Variants in ACACA observed in about 807,000 individuals in gnomAD.
The protein encoded by ACACA is acetyl-CoA carboxylase alpha.
Under a neutral mutation model 296.1 loss-of-function variants are expected in ACACA, and 103 were observed. The observed-to-expected ratio is 0.35, with a 90% CI of 0.30 to 0.41. The LOEUF (loss-of-function observed/expected upper bound fraction) is 0.41. ACACA is among the 10% of genes least tolerant of loss of function. The pLI is 1.00. For synonymous variants in ACACA, 953 were observed against 1,038.6 expected (o/e 0.92, Z 1.58); for missense variants, 1,554 against 2,989.7 (o/e 0.52, Z 11.20).
chr17:37,189,854 T>C (rs1377831336), intron 38 of ACACA, among the ~76,000 whole-genome samples: 1 of 151,988 alleles, frequency 6.6e-6, no homozygotes, highest in Non-Finnish European at 1.5e-5. Context: ...AGAAAACTAC[T>C]TCTCAGATCT....
At chr17:37,360,144 C>A (rs189872204) in intron 1 of ACACA, 2 of 152,212 alleles carry the variant, frequency 1.3e-5, no homozygotes, top group East Asian at 3.9e-4. Flanking sequence ...GGGGTCCCAA[C>A]ACAATACAAA....
At chr17:37,339,631 T>C (rs990768949) in intron 2 of ACACA, among the ~76,000 whole-genome samples, 173 bp downstream of exon 2, 1 of 152,224 alleles carries the variant, frequency 6.6e-6, no homozygotes, top group African/African-American at 2.4e-5. Flanking sequence ...AAAGAGAGAA[T>C]ACAGTTGAGT....
At chr17:37,271,240 G>A (rs1019710385) in intron 9 of ACACA, among the ~76,000 whole-genome samples, 7 of 152,214 alleles carry the variant, frequency 4.6e-5, no homozygotes, top group Non-Finnish European at 1.0e-4. Flanking sequence ...ATGGGTCCGG[G>A]CACAGTGGCT....
intron 1 of ACACA, among the ~76,000 whole-genome samples, chr17:37,352,214 G>A (rs1480875023): frequency 6.6e-6 from 1 of 152,012 alleles, no homozygotes; most frequent in African/African-American, 2.4e-5. Context: ...CACCGTTCCT[G>A]GCCAGGCTTC....
In ACACA at chr17:37,174,002, ATATATATATATATATATATT is replaced by A. The variant is rs1367045246; in HGVS notation, c.5079+5238_5079+5257del. 8.6e-3 allele frequency among the ~76,000 whole-genome samples: 91 copies of A among 10,598 alleles called. 5 individuals are homozygous for A. The East Asian group carries it at 0.14, about 16-fold the overall frequency. The allele number at this position is 10,598 out of a possible 152,430, so 7.0% of individuals were successfully genotyped here. A position where few individuals can be genotyped will look rare whatever the true frequency, so the allele number is the denominator to read the frequency against. On this transcript the variant is annotated intron_variant, in intron 41 of 55. Coordinates refer to ENST00000616317, the MANE Select transcript of ACACA (RefSeq NM_198834.3). Reference sequence around the variant, plus strand: ...CTAATTTATATATATATATATATATATATATATATATATATATATTTTTTTTTTTTTTTTTTTTTGTAGCG... The same window carrying A: ...CTAATTTATATATATATATATATATATTTTTTTTTTTTTTTTTTTGTAGCG...
Position 37,230,998 on chromosome 17 carries a change from T to A in ACACA, c.3246+3977A>T, listed in dbSNP as rs143782253. On this transcript the variant is annotated intron_variant, in intron 25 of 55. Transcript: ENST00000616317. ...CTGGTACAAAACAGTTATTTCTTGC[T>A]TTTACTTTTGACCTAGATGGTAGCT... 4.0e-4 allele frequency among the ~76,000 whole-genome samples: 61 copies of A among 152,330 alleles called. 1 individual carries two copies. The highest frequency in any genetic ancestry group is 1.4e-3 in the African/African-American group (59 of 41,576).
At chr17:37,243,952 G>A (rs868831574) in intron 21 of ACACA, among the ~76,000 whole-genome samples, 22 of 152,150 alleles carry the variant, frequency 1.4e-4, no homozygotes, top group Admixed American at 4.6e-4. Context: ...GGCCTCAAGC[G>A]ATCTTTCCAT....
chr17:37,396,569 A>T (rs2051088871), intron 1 of ACACA, among the ~76,000 whole-genome samples: 1 of 151,876 alleles, frequency 6.6e-6, no homozygotes, highest in South Asian at 2.1e-4. Context: ...TTATTTCCTC[A>T]TATCTCCTAC....
chr17:37,406,190 C>T (rs2051498589), intron 1 of ACACA, 72 bp downstream of exon 1: 2 of 1,546,184 alleles, frequency 1.3e-6, no homozygotes, highest in Admixed American at 3.3e-5. Context: ...GTCTGGCATG[C>T]AATAAGTACT....
intron 45 of ACACA, among the ~76,000 whole-genome samples, chr17:37,134,491 A>C (rs549910967): frequency 3.3e-5 from 5 of 152,198 alleles, no homozygotes; most frequent in Non-Finnish European, 1.5e-5. Context: ...TTTTTTAAAA[A>C]TTGCCTTTGT....
rs1243535532 is a variant in ACACA at position 37,390,140 on chromosome 17, GTATATATATATATATATATATA to G, written c.38+16100_38+16121del. ...GACACTGTCTCTATTAAAAAAAAAAGTATATATATATATATATATATATATATATATATATACACACACACAT... is the reference window on the plus strand; with the variant it reads ...GACACTGTCTCTATTAAAAAAAAAAGTATATATATATATACACACACACAT... On this transcript the variant is annotated intron_variant, in intron 1 of 55. Coordinates refer to ENST00000616317, the MANE Select transcript of ACACA (RefSeq NM_198834.3). 4.0e-4 allele frequency among the ~76,000 whole-genome samples: 14 copies of G among 34,634 alleles called. 1 individual carries two copies. The highest frequency in any genetic ancestry group is 1.7e-3 in the African/African-American group (12 of 6,868). The allele number at this position is 34,634 out of a possible 152,430, so 22.7% of individuals were successfully genotyped here.
At position 37,181,434 on chromosome 17, in the gene ACACA, A is replaced by C. The variant is rs1174766465; in HGVS notation, c.4777-78T>G. On this transcript the variant is annotated intron_variant, in intron 39 of 55. Coordinates refer to ENST00000616317, the MANE Select transcript of ACACA (RefSeq NM_198834.3). ...AGCTGCCTAGAGGGGCTTTTTTTGC[A>C]CAAATATTATCTCTTTGAAAACATT... The C allele has an allele frequency of 9.3e-6, 14 of 1,500,150 alleles. No individual in the cohort carries two copies. The Admixed American group carries it at 2.4e-4, about 25-fold the overall frequency. 92.9% of individuals were successfully genotyped at this position (1,500,150 alleles called of 1,614,324 possible).
intron 3 of ACACA, among the ~76,000 whole-genome samples, chr17:37,310,732 T>C (rs1318031097): frequency 1.4e-5 from 2 of 138,552 alleles, no homozygotes; most frequent in Non-Finnish European, 1.5e-5. Context: ...AGGCAGAGGT[T>C]GCAGAGAGCC....
At chr17:37,241,810 G>A (rs527417492) in intron 23 of ACACA, 143 bp downstream of exon 23, 1 of 686,956 alleles carries the variant, frequency 1.5e-6, no homozygotes, top group East Asian at 2.7e-5. Context: ...AAGATATTTA[G>A]AAAAGACAAG....
At position 37,223,551 on chromosome 17, in the gene ACACA, G is replaced by C; in HGVS notation, c.3525C>G (p.Phe1175Leu). ...TCCTCACTACTTGGTTGCTGTGATA[G>C]AAGAAGTTTGGTAGGACATCAAAAA... ...TSIFDVLPNF[F>L]YHSNQVVRMA... Residue 1175 changes from phenylalanine (F) to leucine (L), a missense_variant, in exon 28 of 56, where the codon TTC becomes TTG. This residue lies in a region of ACACA where 42 missense variants were observed against 147.5 expected (regional missense o/e 0.28). Coordinates refer to ENST00000616317, the MANE Select transcript of ACACA (RefSeq NM_198834.3). 1 of 1,612,550 alleles carries C rather than the reference G, an allele frequency of 6.2e-7. No individual in the cohort carries two copies. Among genetic ancestry groups the C allele is most frequent in the Non-Finnish European group, 8.5e-7 (1 of 1,178,560 alleles).
At chr17:37,203,898 C>T (rs2145333878) in intron 33 of ACACA, among the ~76,000 whole-genome samples, 1 of 152,334 alleles carries the variant, frequency 6.6e-6, no homozygotes, top group South Asian at 2.1e-4. Context: ...ATATCCCCTA[C>T]TTTCACTTCT....
chr17:37,354,099 C>T (rs886195120), intron 1 of ACACA, among the ~76,000 whole-genome samples: 1 of 152,074 alleles, frequency 6.6e-6, no homozygotes, highest in African/African-American at 2.4e-5. Context: ...CAGAGAGAGA[C>T]CCTGTCTCAA....
At chr17:37,173,982 T>TATATATATATATA (rs2076973842) in intron 41 of ACACA, among the ~76,000 whole-genome samples, 1 of 19,440 alleles carries the variant, frequency 5.1e-5, no homozygotes, top group Non-Finnish European at 1.0e-4. Context: ...CCTGGCTAAT[T>TATATATATATATA]TATATATATA....
At chr17:37,260,547 G>A (rs760206385) in intron 11 of ACACA, among the ~76,000 whole-genome samples, 61 of 149,858 alleles carry the variant, frequency 4.1e-4, no homozygotes, top group Non-Finnish European at 8.2e-4. Flanking sequence ...CAGGTGATCC[G>A]CCCACCTCAG....
Sources: gnomAD v4.1 joint callset for allele counts (sites outside exome capture counted in the v4.1 genomes callset) on GRCh38, gnomAD v4.1.1 for gene constraint, gnomAD v4.1.1 regional missense constraint, MANE v1.5 for transcripts, NCBI Gene and HGNC (gene_info 2026-07-23, HGNC 2026-07-21) for gene names.